The following C17orf100 variants were observed in gnomAD, a reference collection of about 807,000 sequenced individuals.
The protein encoded by C17orf100 is chromosome 17 open reading frame 100.
Under a neutral mutation model 0.7 loss-of-function variants are expected in C17orf100, and 1 was observed. The ratio of observed to expected loss-of-function variants is 1.50; its 90% CI spans 0.53 to 7.13. The LOEUF (loss-of-function observed/expected upper bound fraction) is 7.13. Among genes scored for constraint, C17orf100 ranks in the 30% most tolerant of loss-of-function variants. The probability of loss-of-function intolerance (pLI) is 0.14; values close to 1 mark genes in which losing one functional copy is unlikely to be tolerated. For missense variants in C17orf100, 168 were observed against 171.5 expected, an observed-to-expected ratio of 0.98 and a Z score of 0.11; for synonymous variants, 87 against 84.0, an observed-to-expected ratio of 1.04 and a Z score of -0.20.
In C17orf100 at chr17:6,652,855, C is replaced by T. The variant is rs1387048210; in HGVS notation, c.*585C>T. On this transcript the variant is annotated 3_prime_UTR_variant, in exon 1 of 1. Transcript: ENST00000542475. Reference sequence around the variant, plus strand: ...GTGGTTAAAAATGACAGTAAACCCACCAGCAAGCAAAAATAATCTTAGAAA... The same window carrying T: ...GTGGTTAAAAATGACAGTAAACCCATCAGCAAGCAAAAATAATCTTAGAAA... 1 of 163,620 alleles carries T rather than the reference C, an allele frequency of 6.1e-6. No homozygotes were observed. Among genetic ancestry groups the T allele is most frequent in the Admixed American group, 6.7e-5 (1 of 14,986 alleles). 10.1% of individuals were successfully genotyped at this position (163,620 alleles called of 1,614,324 possible). A position where few individuals can be genotyped will look rare whatever the true frequency, so the allele number is the denominator to read the frequency against.
rs989946946 is a variant in C17orf100 at position 6,652,795 on chromosome 17, C to A, written c.*525C>A. On this transcript the variant is annotated 3_prime_UTR_variant, in exon 1 of 1. Coordinates refer to ENST00000542475, the MANE Select transcript of C17orf100 (RefSeq NM_001105520.2). The stretch of plus-strand genomic sequence containing the variant: ...TTATGCTAAGTCTTTGTACCTGGCA[C>A]CCCCATCCATACACTTTTTTAAGGT... 1 of 170,144 alleles carries A rather than the reference C, an allele frequency of 5.9e-6. No individual in the cohort carries two copies. Among genetic ancestry groups the A allele is most frequent in the Non-Finnish European group, 1.4e-5 (1 of 70,100 alleles). 10.5% of individuals were successfully genotyped at this position (170,144 alleles called of 1,614,324 possible). A position where few individuals can be genotyped will look rare whatever the true frequency, so the allele number is the denominator to read the frequency against.
chr17:6,652,559 A>G lies in C17orf100; in HGVS notation c.*289A>G, dbSNP rs1972854347. On this transcript the variant is annotated 3_prime_UTR_variant, in exon 1 of 1. Coordinates refer to ENST00000542475, the MANE Select transcript of C17orf100 (RefSeq NM_001105520.2). The stretch of plus-strand genomic sequence containing the variant: ...CCAGGATGCTGTCTAAATCGGGTTG[A>G]TGGACAAAGAGAGGCTGTTTGAGCC... 7.8e-7 allele frequency: 1 copy of G among 1,279,598 alleles called. No homozygotes were observed. The highest frequency in any genetic ancestry group is 1.0e-6 in the Non-Finnish European group (1 of 976,746). The allele number at this position is 1,279,598 out of a possible 1,614,324, so 79.3% of individuals were successfully genotyped here.
chr17:6,652,062 G>T lies in C17orf100; in HGVS notation c.149G>T (p.Gly50Val). The change falls in exon 1 of 1, where the codon GGG (glycine) becomes GTG (valine). Residue 50 changes from glycine (G) to valine (V), a missense_variant. Coordinates refer to ENST00000542475, the MANE Select transcript of C17orf100 (RefSeq NM_001105520.2). ...GAGACCTCCCAGCGCCGCAGCGAGGGGCCCTCCCTCTCCCCCTCGGGGAAG... is the reference window on the plus strand; with the variant it reads ...GAGACCTCCCAGCGCCGCAGCGAGGTGCCCTCCCTCTCCCCCTCGGGGAAG... ...RVETSQRRSEGPSLSPSGKRL... is the reference protein window; with the variant it reads ...RVETSQRRSEVPSLSPSGKRL... 1 of 1,563,032 alleles carries T rather than the reference G, an allele frequency of 6.4e-7. No homozygotes were observed. The highest frequency in any genetic ancestry group is 8.6e-7 in the Non-Finnish European group (1 of 1,156,430).
At position 6,652,265 on chromosome 17, in the gene C17orf100, C is replaced by G. The variant is rs779905852; in HGVS notation, c.352C>G (p.Arg118Gly). The G allele has an allele frequency of 2.5e-6, 4 of 1,611,544 alleles. No individual in the cohort carries two copies. The highest frequency in any genetic ancestry group is 1.3e-5 in the African/African-American group (1 of 74,932). Residue 118 changes from arginine to glycine, a missense_variant, in exon 1 of 1, where the codon CGA becomes GGA. Physicochemically the swap from Arg to Gly is moderately radical, Grantham distance 125. Transcript: ENST00000542475. The part of the protein sequence containing the change: ...PAARQNEKTA[R>G] ...CGCCCGCCAGAACGAAAAAACGGCC[C>G]GATGAGATGCTGCTTCCCAAAGGCC...
In C17orf100 at chr17:6,651,905, G is replaced by A; in HGVS notation, c.-9G>A. On this transcript the variant is annotated 5_prime_UTR_variant, in exon 1 of 1. Transcript: ENST00000542475. The stretch of plus-strand genomic sequence containing the variant: ...CCCGAGGCCTCCCTGGCCCCCTCAC[G>A]CCGGCAGAATGGCCTCAGCCCGAGG... 1 of 1,471,190 alleles carries A rather than the reference G, an allele frequency of 6.8e-7. No homozygotes were observed. The highest frequency in any genetic ancestry group is 9.0e-7 in the Non-Finnish European group (1 of 1,107,690). The allele number at this position is 1,471,190 out of a possible 1,614,324, so 91.1% of individuals were successfully genotyped here.
At position 6,652,271 on chromosome 17, in the gene C17orf100, G is replaced by A. The variant is rs529942171; in HGVS notation, c.*1G>A. ...CCAGAACGAAAAAACGGCCCGATGA[G>A]ATGCTGCTTCCCAAAGGCCACCAAG... On this transcript the variant is annotated 3_prime_UTR_variant, in exon 1 of 1. Coordinates refer to ENST00000542475, the MANE Select transcript of C17orf100 (RefSeq NM_001105520.2). The A allele has an allele frequency of 3.8e-5, 61 of 1,612,020 alleles. No individual in the cohort carries two copies. The East Asian group carries it at 5.1e-4, about 14-fold the overall frequency.
In C17orf100 at chr17:6,652,295, A is replaced by T. The variant is rs772964210; in HGVS notation, c.*25A>T. 4.3e-6 allele frequency: 7 copies of T among 1,610,762 alleles called. No individual in the cohort carries two copies. The highest frequency in any genetic ancestry group is 5.9e-6 in the Non-Finnish European group (7 of 1,179,126). On this transcript the variant is annotated 3_prime_UTR_variant, in exon 1 of 1. Transcript: ENST00000542475. ...AGATGCTGCTTCCCAAAGGCCACCA[A>T]GGGGCCAGGGCCCTCAGCCAGGACA...
Position 6,653,429 on chromosome 17 carries a change from A to G in C17orf100, c.*1159A>G, listed in dbSNP as rs140389903. ...CAATGATGAAACAAGACAATTTTCT[A>G]TTGTGATTAGCACTATGAAGGAAAT... On this transcript the variant is annotated 3_prime_UTR_variant, in exon 1 of 1. Coordinates refer to ENST00000542475, the MANE Select transcript of C17orf100 (RefSeq NM_001105520.2). The G allele has an allele frequency of 1.4e-3, 211 of 154,890 alleles. 6 individuals carry two copies. The East Asian group carries it at 0.037, about 27-fold the overall frequency. The allele number at this position is 154,890 out of a possible 1,614,324, so 9.6% of individuals were successfully genotyped here. A position where few individuals can be genotyped will look rare whatever the true frequency, so the allele number is the denominator to read the frequency against.
In C17orf100 at chr17:6,652,194, C is replaced by T. The variant is rs1355456324; in HGVS notation, c.281C>T (p.Thr94Met). ...HVRASSLRVE[T>M]SLHCAESPTP... The stretch of plus-strand genomic sequence containing the variant: ...AGAGCCTCGTCCCTGAGGGTGGAGA[C>T]GTCTCTGCACTGCGCGGAGAGCCCG... Residue 94 changes from threonine (T) to methionine (M), a missense_variant, in exon 1 of 1, where the codon ACG becomes ATG. Physicochemically the swap from Thr to Met is moderately conservative, Grantham distance 81. Transcript: ENST00000542475. The T allele has an allele frequency of 1.0e-5, 16 of 1,605,662 alleles. No individual in the cohort carries two copies. Among genetic ancestry groups the T allele is most frequent in the Admixed American group, 1.7e-5 (1 of 59,944 alleles).
chr17:6,651,793 A>G lies in C17orf100; in HGVS notation c.-121A>G. ...GCCTTCGAAGGACCATGGTGCTTCC[A>G]CGTCATCGTGTTGTGGCGCTCCCGG... On this transcript the variant is annotated 5_prime_UTR_variant, in exon 1 of 1. Transcript: ENST00000542475. The G allele has an allele frequency of 6.9e-7, 1 of 1,442,428 alleles. No homozygotes were observed. The highest frequency in any genetic ancestry group is 9.1e-7 in the Non-Finnish European group (1 of 1,103,322). 89.4% of individuals were successfully genotyped at this position (1,442,428 alleles called of 1,614,324 possible). A position where few individuals can be genotyped will look rare whatever the true frequency, so the allele number is the denominator to read the frequency against.
chr17:6,652,406 G>A lies in C17orf100; in HGVS notation c.*136G>A, dbSNP rs1972852985. ...TCATGGAAACAAACCATAAATCAAT[G>A]TAAGAAACAGCCAAGCCGCAGTTTC... On this transcript the variant is annotated 3_prime_UTR_variant, in exon 1 of 1. Transcript: ENST00000542475. The A allele has an allele frequency of 2.6e-6, 4 of 1,515,846 alleles. No homozygotes were observed. Among genetic ancestry groups the A allele is most frequent in the Non-Finnish European group, 2.7e-6 (3 of 1,131,828 alleles). 93.9% of individuals were successfully genotyped at this position (1,515,846 alleles called of 1,614,324 possible).
chr17:6,651,961 C>T lies in C17orf100; in HGVS notation c.48C>T (p.Thr16=). 1 of 1,533,918 alleles carries T rather than the reference C, an allele frequency of 6.5e-7. No homozygotes were observed. The highest frequency in any genetic ancestry group is 8.8e-7 in the Non-Finnish European group (1 of 1,136,346). The change falls in exon 1 of 1, where the codon ACC becomes ACT. Residue 16 remains threonine, a synonymous_variant. Coordinates refer to ENST00000542475, the MANE Select transcript of C17orf100 (RefSeq NM_001105520.2). ...GAKQSSPRVG[T]TRYTETSTVR... Reference sequence around the variant, plus strand: ...AGCAGTCTTCGCCCCGGGTGGGGACCACCCGCTACACAGAGACGTCCACGG... The same window carrying T: ...AGCAGTCTTCGCCCCGGGTGGGGACTACCCGCTACACAGAGACGTCCACGG...
rs1263514747 is a variant in C17orf100, at chr17:6,652,393, A to T, written c.*123A>T. The T allele has an allele frequency of 6.5e-7, 1 of 1,529,898 alleles. No individual in the cohort carries two copies. The highest frequency in any genetic ancestry group is 8.8e-7 in the Non-Finnish European group (1 of 1,139,180). 94.8% of individuals were successfully genotyped at this position (1,529,898 alleles called of 1,614,324 possible). ...ATCATTTTCGGTTTCATGGAAACAA[A>T]CCATAAATCAATGTAAGAAACAGCC... On this transcript the variant is annotated 3_prime_UTR_variant, in exon 1 of 1. Transcript: ENST00000542475.
At position 6,652,124 on chromosome 17, in the gene C17orf100, G is replaced by T; in HGVS notation, c.211G>T (p.Val71Leu). The stretch of plus-strand genomic sequence containing the variant: ...CATCCTCGAGGCGTCCTCCCGGCAC[G>T]TGGAATCCTCCTCGCAGCGCACGGA... ...PRILEASSRH[V>L]ESSSQRTETT... The change falls in exon 1 of 1, where the codon GTG becomes TTG. Residue 71 changes from valine (V) to leucine (L), a missense_variant. By Grantham distance (32) the Val-to-Leu change is conservative. Transcript: ENST00000542475. 6.3e-7 allele frequency: 1 copy of T among 1,594,444 alleles called. No homozygotes were observed.
Position 6,652,438 on chromosome 17 carries a change from C to T in C17orf100, c.*168C>T, listed in dbSNP as rs1972853319. ...ACAGCCAAGCCGCAGTTTCTGAACA[C>T]AGCCAACGTTTACTGACCGTCCTGC... On this transcript the variant is annotated 3_prime_UTR_variant, in exon 1 of 1. Coordinates refer to ENST00000542475, the MANE Select transcript of C17orf100 (RefSeq NM_001105520.2). 6.7e-7 allele frequency: 1 copy of T among 1,486,732 alleles called. No homozygotes were observed. Among genetic ancestry groups the T allele is most frequent in the Non-Finnish European group, 8.9e-7 (1 of 1,118,040 alleles). 92.1% of individuals were successfully genotyped at this position (1,486,732 alleles called of 1,614,324 possible).
In C17orf100 at chr17:6,651,870, T is replaced by A. The variant is rs756314754; in HGVS notation, c.-44T>A. 6.9e-7 allele frequency: 1 copy of A among 1,456,382 alleles called. No homozygotes were observed. Among genetic ancestry groups the A allele is most frequent in the Non-Finnish European group, 9.1e-7 (1 of 1,103,992 alleles). The allele number at this position is 1,456,382 out of a possible 1,614,324, so 90.2% of individuals were successfully genotyped here. A position where few individuals can be genotyped will look rare whatever the true frequency, so the allele number is the denominator to read the frequency against. Reference sequence around the variant, plus strand: ...CTTCTGCCTGCGGTGACCATTGGGCTGTAGGGTGCCCCGAGGCCTCCCTGG... The same window carrying A: ...CTTCTGCCTGCGGTGACCATTGGGCAGTAGGGTGCCCCGAGGCCTCCCTGG... On this transcript the variant is annotated 5_prime_UTR_variant, in exon 1 of 1. Coordinates refer to ENST00000542475, the MANE Select transcript of C17orf100 (RefSeq NM_001105520.2).
Position 6,652,588 on chromosome 17 carries a change from G to A in C17orf100, c.*318G>A. ...ACAAAGAGAGGCTGTTTGAGCCTCT[G>A]AGCCAGGTGAGTTTGGGATCCACAG... On this transcript the variant is annotated 3_prime_UTR_variant, in exon 1 of 1. Transcript: ENST00000542475. 9.7e-7 allele frequency: 1 copy of A among 1,032,356 alleles called. No individual in the cohort carries two copies. The highest frequency in any genetic ancestry group is 1.9e-5 in the South Asian group (1 of 52,744). The allele number at this position is 1,032,356 out of a possible 1,614,324, so 63.9% of individuals were successfully genotyped here.
chr17:6,652,341 C>G lies in C17orf100; in HGVS notation c.*71C>G. ...GGACAGAAAGGCCTCCAGTTGCCAG[C>G]CAGCCAGCCAGCTGCCAGGTGGACC... On this transcript the variant is annotated 3_prime_UTR_variant, in exon 1 of 1. Transcript: ENST00000542475. 6.3e-7 allele frequency: 1 copy of G among 1,587,862 alleles called. No homozygotes were observed.
At position 6,652,084 on chromosome 17, in the gene C17orf100, G is replaced by T; in HGVS notation, c.171G>T (p.Gly57=). The T allele has an allele frequency of 1.9e-6, 3 of 1,576,564 alleles. No homozygotes were observed. The highest frequency in any genetic ancestry group is 2.6e-6 in the Non-Finnish European group (3 of 1,165,358). The part of the protein sequence containing the change: ...RSEGPSLSPS[G]KRLPRILEAS... ...AGGGGCCCTCCCTCTCCCCCTCGGG[G>T]AAGCGGCTCCCTCGCATCCTCGAGG... Residue 57 remains glycine (G), a synonymous_variant, in exon 1 of 1, where the codon GGG becomes GGT. Coordinates refer to ENST00000542475, the MANE Select transcript of C17orf100 (RefSeq NM_001105520.2).
Sources: gnomAD v4.1 joint callset for allele counts on GRCh38, gnomAD v4.1.1 for gene constraint, MANE v1.5 for transcripts, NCBI Gene and HGNC (gene_info 2026-07-23, HGNC 2026-07-21) for gene names.